Variants in CSMD2 observed in about 807,000 individuals in gnomAD.
CSMD2 encodes CUB and Sushi multiple domains 2, also known as CUB and sushi domain-containing protein 2.
CSMD2 carries 130 observed loss-of-function variants against 398.5 expected under a neutral mutation model. That is an observed-to-expected ratio of 0.33 (90% CI 0.28 to 0.38). CSMD2 has a LOEUF of 0.38. Ranked by LOEUF, CSMD2 falls within the 10% of genes least tolerant of loss-of-function variation. CSMD2 has a pLI of 1.00. For synonymous variants in CSMD2, 1,828 were observed against 1,908.5 expected (o/e 0.96, Z 1.10); for missense variants, 3,829 against 4,764.9 (o/e 0.80, Z 5.78).
chr1:33,944,134 T>C (rs1445278738), intron 3 of CSMD2, among the ~76,000 whole-genome samples: 1 of 152,004 alleles, frequency 6.6e-6, no homozygotes, highest in East Asian at 1.9e-4. Flanking sequence ...GTTATAAAAA[T>C]AGCCAGCTGA....
chr1:33,694,193 C>G (rs897154228), intron 24 of CSMD2, among the ~76,000 whole-genome samples: 4 of 152,148 alleles, frequency 2.6e-5, no homozygotes, highest in Admixed American at 6.5e-5. Flanking sequence ...TGTGAAATAC[C>G]TAGAATAGGC....
chr1:34,014,237 C>T (rs559419900), intron 3 of CSMD2, among the ~76,000 whole-genome samples: 122 of 152,336 alleles, frequency 8.0e-4, no homozygotes, highest in African/African-American at 2.8e-3. Context: ...TCCCACTCTG[C>T]ACTCCTTCAG....
intron 55 of CSMD2, among the ~76,000 whole-genome samples, chr1:33,552,871 C>T (rs773463570): frequency 2.6e-5 from 4 of 151,862 alleles, no homozygotes; most frequent in South Asian, 2.1e-4. Context: ...TACAACTTTG[C>T]GAATACACTA....
rs1642826853 is a variant in CSMD2 at position 33,636,699 on chromosome 1, C to T, written c.4775-145G>A. 6.2e-6 allele frequency: 4 copies of T among 645,772 alleles called. No individual in the cohort carries two copies. Among genetic ancestry groups the T allele is most frequent in the Middle Eastern group, 5.6e-4 (2 of 3,566 alleles). The allele number at this position is 645,772 out of a possible 1,614,324, so 40.0% of individuals were successfully genotyped here. On this transcript the variant is annotated intron_variant, in intron 29 of 70. Transcript: ENST00000373381. The surrounding 1 kb of genome is among the most constrained non-coding windows in gnomAD (Gnocchi z 4.8). Reference sequence around the variant, plus strand: ...GCGTGACTGTGGCTCCTATTCCCCTCAGGTCTAGAAACGTCTCTAAATTTG... The same window carrying T: ...GCGTGACTGTGGCTCCTATTCCCCTTAGGTCTAGAAACGTCTCTAAATTTG...
chr1:33,713,393 G>T (rs1372208799), intron 21 of CSMD2, among the ~76,000 whole-genome samples: 1 of 152,136 alleles, frequency 6.6e-6, no homozygotes, highest in Non-Finnish European at 1.5e-5. Context: ...TTTTTATGGG[G>T]TTTTATATAC....
chr1:33,829,107 T>C (rs996230067), intron 6 of CSMD2, among the ~76,000 whole-genome samples: 11 of 152,276 alleles, frequency 7.2e-5, no homozygotes, highest in African/African-American at 2.6e-4. Context: ...AATCCACAGG[T>C]AGAGTCTTTG....
At chr1:33,944,238 C>CG (rs60181968) in intron 3 of CSMD2, among the ~76,000 whole-genome samples, 156 of 152,144 alleles carry the variant, frequency 1.0e-3, no homozygotes, top group African/African-American at 3.7e-3. Context: ...ACGCCCCCCC[C>CG]CCAACTCCTG....
chr1:34,021,532 A>G (rs1442802992), intron 3 of CSMD2, among the ~76,000 whole-genome samples: 1 of 152,148 alleles, frequency 6.6e-6, no homozygotes, highest in East Asian at 1.9e-4. Flanking sequence ...TGAGCTAGCC[A>G]TGTTTGGGGG....
At chr1:33,916,368 T>TA (rs1478641478) in intron 5 of CSMD2, among the ~76,000 whole-genome samples, 1 of 152,204 alleles carries the variant, frequency 6.6e-6, no homozygotes, top group African/African-American at 2.4e-5. Flanking sequence ...GCATTACACT[T>TA]ACAGTCAGTA....
intron 13 of CSMD2, among the ~76,000 whole-genome samples, chr1:33,754,095 T>C (rs141287704): frequency 3.3e-5 from 5 of 152,312 alleles, no homozygotes; most frequent in African/African-American, 1.2e-4. Context: ...TTTTACAATG[T>C]GAAAAGGACA....
At position 33,868,730 on chromosome 1, in the gene CSMD2, C is replaced by T. The variant is rs549121275; in HGVS notation, c.921-21734G>A. On this transcript the variant is annotated intron_variant, in intron 5 of 70. Transcript: ENST00000373381. ...CAGCCTGGGTGACAGAGTGAGACTC[C>T]ATCTTAACAAACAAACAAACAAACA... is the stretch of plus-strand genomic sequence containing the variant. Among the ~76,000 whole-genome samples the T allele has an allele frequency of 1.4e-4, 15 of 110,726 alleles. No individual in the cohort carries two copies. In the South Asian group the frequency reaches 6.8e-3, roughly 50 times the overall value. The allele number at this position is 110,726 out of a possible 152,430, so 72.6% of individuals were successfully genotyped here. A position where few individuals can be genotyped will look rare whatever the true frequency, so the allele number is the denominator to read the frequency against.
chr1:34,033,014 G>A (rs1432518965), intron 2 of CSMD2, among the ~76,000 whole-genome samples: 4 of 152,164 alleles, frequency 2.6e-5, no homozygotes, highest in African/African-American at 9.7e-5. Flanking sequence ...CTGAGGTCCT[G>A]TGAGGCTCTG....
intron 3 of CSMD2, among the ~76,000 whole-genome samples, chr1:34,016,389 G>A (rs1570819120): frequency 6.6e-6 from 1 of 151,792 alleles, no homozygotes; most frequent in East Asian, 1.9e-4. Flanking sequence ...CCACTTATGA[G>A]TGAGAACATG....
At chr1:33,619,298 C>T (rs920106007) in intron 37 of CSMD2, among the ~76,000 whole-genome samples, 1 of 152,208 alleles carries the variant, frequency 6.6e-6, no homozygotes, top group African/African-American at 2.4e-5. Context: ...CTGGAGGCTC[C>T]CTTGGGGGAT....
chr1:33,824,289 C>T (rs931947293), intron 7 of CSMD2, among the ~76,000 whole-genome samples: 7 of 152,210 alleles, frequency 4.6e-5, no homozygotes, highest in African/African-American at 1.7e-4. Flanking sequence ...CTTGAGCCCT[C>T]TGCAGGTTCC....
At chr1:33,823,257 C>T (rs1658371750) in intron 7 of CSMD2, among the ~76,000 whole-genome samples, 1 of 152,230 alleles carries the variant, frequency 6.6e-6, no homozygotes, top group African/African-American at 2.4e-5. Context: ...CAGCCAGTGC[C>T]CCCTTCCAGG....
At chr1:33,751,593 AAGG>A (rs1272677476) in intron 13 of CSMD2, among the ~76,000 whole-genome samples, 1 of 152,178 alleles carries the variant, frequency 6.6e-6, no homozygotes, top group African/African-American at 2.4e-5. Flanking sequence ...GAGAACCTGC[AAGG>A]AGATGAGAGT....
rs766858868 is a variant in CSMD2 at position 33,698,964 on chromosome 1, T to C, written c.3734-20A>G. 5.0e-6 allele frequency: 8 copies of C among 1,603,784 alleles called. No homozygotes were observed. The East Asian group carries it at 1.6e-4, about 31-fold the overall frequency. On this transcript the variant is annotated intron_variant, in intron 23 of 70. Transcript: ENST00000373381. ...CAAAGCCTGGTGAGGAGAGAAGAGG[T>C]AGAGTGAGTAAGACCTATTGTGGCA...
At chr1:34,056,102 A>C (rs147642473) in intron 2 of CSMD2, among the ~76,000 whole-genome samples, 2 of 152,282 alleles carry the variant, frequency 1.3e-5, no homozygotes, top group Non-Finnish European at 2.9e-5. Flanking sequence ...ACCGTGGTAC[A>C]CTCGCTTCAG....
Sources: allele counts gnomAD v4.1 joint callset (sites outside exome capture counted in the v4.1 genomes callset), GRCh38; gene constraint gnomAD v4.1.1; non-coding constraint Gnocchi (gnomAD v3.1); transcripts MANE v1.5; gene names NCBI Gene and HGNC (gene_info 2026-07-23, HGNC 2026-07-21).